GPR152: variants seen among roughly 807,000 people sequenced by gnomAD.
The protein encoded by GPR152 is G protein-coupled receptor 152, also known as probable G protein-coupled receptor 152.
For missense variants in GPR152, 549 were observed against 617.2 expected (o/e 0.89, Z 1.17); for synonymous variants, 278 against 289.0 (o/e 0.96, Z 0.39).
Position 67,452,280 on chromosome 11 carries a change from G to C in GPR152, c.445C>G (p.Leu149Val). The C allele has an allele frequency of 6.2e-7, 1 of 1,609,628 alleles. No homozygotes were observed. Among genetic ancestry groups the C allele is most frequent in the Non-Finnish European group, 8.5e-7 (1 of 1,179,828 alleles). ...ACCCAGACACCGGCGCAGACCCAGA[G>C]GGGCAGGCGGACTGGGCGGTGCCCA... ...YPGHRPVRLP[L>V]WVCAGVWVLA... The change falls in exon 1 of 1, where the codon CTC (leucine) becomes GTC (valine). Residue 149 changes from leucine (L) to valine (V), a missense_variant. By Grantham distance (32) the Leu-to-Val change is conservative (BLOSUM62 1). Coordinates refer to ENST00000312457, the MANE Select transcript of GPR152 (RefSeq NM_206997.1).
chr11:67,452,318 G>C lies in GPR152; in HGVS notation c.407C>G (p.Pro136Arg), dbSNP rs776578974. Residue 136 changes from proline (P) to arginine (R), a missense_variant, in exon 1 of 1, where the codon CCA (proline) becomes CGA (arginine). Pro to Arg is a moderately radical substitution (Grantham distance 103, BLOSUM62 -2). Transcript: ENST00000312457. ...SLDRCLLALCPHWYPGHRPVR... is the reference protein window; with the variant it reads ...SLDRCLLALCRHWYPGHRPVR... ...TGGGCGGTGCCCAGGGTACCAGTGT[G>C]GGCACAGCGCCAGCAGGCAGCGGTC... The C allele has an allele frequency of 6.2e-7, 1 of 1,610,672 alleles. No homozygotes were observed. Among genetic ancestry groups the C allele is most frequent in the South Asian group, 1.1e-5 (1 of 91,032 alleles).
Position 67,451,875 on chromosome 11 carries a change from T to C in GPR152, c.850A>G (p.Ile284Val), listed in dbSNP as rs760245398. ...WEALVYSDYL[I>V]LLNSCLSPFL... ...GGGCTGAGGCAGCTGTTGAGTAGGA[T>C]CAGGTAGTCGGAGTAGACCAGGGCC... Residue 284 changes from isoleucine to valine, a missense_variant, in exon 1 of 1, where the codon ATC (isoleucine) becomes GTC (valine). Transcript: ENST00000312457. The C allele has an allele frequency of 1.2e-6, 2 of 1,612,502 alleles. No individual in the cohort carries two copies. The highest frequency in any genetic ancestry group is 1.7e-6 in the Non-Finnish European group (2 of 1,179,954).
chr11:67,452,629 G>A lies in GPR152; in HGVS notation c.96C>T (p.Asp32=). ...DEDSYPQGGW[D]TVFLVALLLL... is the part of the protein sequence containing the mutation. ...GCAGCAGGGCCACCAGGAAGACCGT[G>A]TCCCAGCCACCTTGGGGGTAGGAGT... Residue 32 remains aspartate, a synonymous_variant, in exon 1 of 1, where the codon GAC becomes GAT. Coordinates refer to ENST00000312457, the MANE Select transcript of GPR152 (RefSeq NM_206997.1). 1 of 1,613,704 alleles carries A rather than the reference G, an allele frequency of 6.2e-7. No homozygotes were observed. The highest frequency in any genetic ancestry group is 8.5e-7 in the Non-Finnish European group (1 of 1,179,846).
In GPR152 at chr11:67,451,401, G is replaced by A; in HGVS notation, c.1324C>T (p.Leu442Phe). ...GCAGGAGGTGTGGCTGGGTCCTCAA[G>A]GGCCCCTGGGGTAGGATGCGAGGAT... ...TPSSHPTPGA[L>F]EDPATPPASE... Residue 442 changes from leucine (L) to phenylalanine (F), a missense_variant, in exon 1 of 1, where the codon CTT becomes TTT. Physicochemically the swap from Leu to Phe is conservative, Grantham distance 22. Transcript: ENST00000312457. 6.2e-7 allele frequency: 1 copy of A among 1,613,082 alleles called. No individual in the cohort carries two copies. The highest frequency in any genetic ancestry group is 1.7e-5 in the Admixed American group (1 of 60,022).
rs1233437630 is a variant in GPR152, at chr11:67,451,881, A to G, written c.844T>C (p.Tyr282His). 8 of 1,612,578 alleles carry G rather than the reference A, an allele frequency of 5.0e-6. No homozygotes were observed. The highest frequency in any genetic ancestry group is 6.8e-6 in the Non-Finnish European group (8 of 1,179,996). The change falls in exon 1 of 1, where the codon TAC becomes CAC. Residue 282 changes from tyrosine to histidine, a missense_variant. By Grantham distance (83) the Tyr-to-His change is moderately conservative. Transcript: ENST00000312457. ...AGGCAGCTGTTGAGTAGGATCAGGT[A>G]GTCGGAGTAGACCAGGGCCTCCCAG... The part of the protein sequence containing the change: ...LLWEALVYSD[Y>H]LILLNSCLSP...
Position 67,452,561 on chromosome 11 carries a change from C to T in GPR152, c.164G>A (p.Gly55Asp), listed in dbSNP as rs1183537840. The T allele has an allele frequency of 1.2e-6, 2 of 1,607,714 alleles. No homozygotes were observed. Among genetic ancestry groups the T allele is most frequent in the South Asian group, 2.2e-5 (2 of 90,382 alleles). Residue 55 changes from glycine (G) to aspartate (D), a missense_variant, in exon 1 of 1, where the codon GGC becomes GAC. Physicochemically the swap from Gly to Asp is moderately conservative, Grantham distance 94. Transcript: ENST00000312457. The stretch of plus-strand genomic sequence containing the variant: ...GCCAGCTCCATGCCGGGCCTGGGAG[C>T]CGGCCAGCCACGCCATCAACCCATT... Reference protein sequence around the residue: ...PANGLMAWLAGSQARHGAGTR... With the variant: ...PANGLMAWLADSQARHGAGTR...
rs146120927 is a variant in GPR152 at position 67,451,409 on chromosome 11, G to A, written c.1316C>T (p.Pro439Leu). Residue 439 changes from proline (P) to leucine (L), a missense_variant, in exon 1 of 1, where the codon CCA becomes CTA. Physicochemically the swap from Pro to Leu is moderately conservative, Grantham distance 98 (BLOSUM62 -3). Transcript: ENST00000312457. ...ASPTPSSHPT[P>L]GALEDPATPP... is the part of the protein sequence containing the mutation. ...TGTGGCTGGGTCCTCAAGGGCCCCT[G>A]GGGTAGGATGCGAGGATGGGGTTGG... The A allele has an allele frequency of 2.5e-5, 40 of 1,613,558 alleles. No homozygotes were observed. Among genetic ancestry groups the A allele is most frequent in the Non-Finnish European group, 3.3e-5 (39 of 1,179,830 alleles).
At position 67,451,790 on chromosome 11, in the gene GPR152, G is replaced by A. The variant is rs2135160072; in HGVS notation, c.935C>T (p.Ser312Phe). ...LRTLLRSVLS[S>F]FAAALCEERP... Reference sequence around the variant, plus strand: ...CTCCTCGCAGAGAGCTGCCGCGAAGGACGAGAGCACGGAGCGCAGCAGGGT... The same window carrying A: ...CTCCTCGCAGAGAGCTGCCGCGAAGAACGAGAGCACGGAGCGCAGCAGGGT... The change falls in exon 1 of 1, where the codon TCC (serine) becomes TTC (phenylalanine). Residue 312 changes from serine to phenylalanine, a missense_variant. By Grantham distance (155) the Ser-to-Phe change is radical (BLOSUM62 -2). Coordinates refer to ENST00000312457, the MANE Select transcript of GPR152 (RefSeq NM_206997.1). 6.2e-7 allele frequency: 1 copy of A among 1,613,346 alleles called. No individual in the cohort carries two copies. The highest frequency in any genetic ancestry group is 1.3e-5 in the African/African-American group (1 of 75,068).
At position 67,452,097 on chromosome 11, in the gene GPR152, C is replaced by T. The variant is rs540353236; in HGVS notation, c.628G>A (p.Val210Ile). ...GTGGCCTGGGTGAGCACGTGGCAGA[C>T]GAGCAGCAGGAGGAAAGGCAGGAAG... ...GGFLPFLLLL[V>I]CHVLTQATAC... Residue 210 changes from valine (V) to isoleucine (I), a missense_variant, in exon 1 of 1, where the codon GTC becomes ATC. Coordinates refer to ENST00000312457, the MANE Select transcript of GPR152 (RefSeq NM_206997.1). 27 of 1,611,984 alleles carry T rather than the reference C, an allele frequency of 1.7e-5. No individual in the cohort carries two copies. The highest frequency in any genetic ancestry group is 6.7e-5 in the East Asian group (3 of 44,868).
In GPR152 at chr11:67,452,169, A is replaced by C. The variant is rs945603442; in HGVS notation, c.556T>G (p.Trp186Gly). 2.5e-6 allele frequency: 4 copies of C among 1,609,668 alleles called. No homozygotes were observed. The highest frequency in any genetic ancestry group is 2.5e-6 in the Non-Finnish European group (3 of 1,179,946). The change falls in exon 1 of 1, where the codon TGG becomes GGG. Residue 186 changes from tryptophan to glycine, a missense_variant. Physicochemically the swap from Trp to Gly is radical, Grantham distance 184 (BLOSUM62 -2). Coordinates refer to ENST00000312457, the MANE Select transcript of GPR152 (RefSeq NM_206997.1). Reference protein sequence around the residue: ...WYDLVICLDFWDSEELSLRML... With the variant: ...WYDLVICLDFGDSEELSLRML... The stretch of plus-strand genomic sequence containing the variant: ...CTCAGCGACAGCTCCTCGCTGTCCC[A>C]GAAGTCCAGGCAGATGACCAGGTCG...
In GPR152 at chr11:67,451,795, G is replaced by A; in HGVS notation, c.930C>T (p.Leu310=). 1.9e-6 allele frequency: 3 copies of A among 1,613,314 alleles called. No individual in the cohort carries two copies. The highest frequency in any genetic ancestry group is 2.5e-6 in the Non-Finnish European group (3 of 1,180,014). ...ADLRTLLRSV[L]SSFAAALCEE... is the part of the protein sequence containing the mutation. ...CGCAGAGAGCTGCCGCGAAGGACGA[G>A]AGCACGGAGCGCAGCAGGGTCCGGA... The change falls in exon 1 of 1, where the codon CTC becomes CTT. Residue 310 remains leucine, a synonymous_variant. Coordinates refer to ENST00000312457, the MANE Select transcript of GPR152 (RefSeq NM_206997.1).
chr11:67,451,482 G>C lies in GPR152; in HGVS notation c.1243C>G (p.Pro415Ala), dbSNP rs765229792. ...GGCACAGAACTGGCAGCAGGTGCAG[G>C]GGTCTGGACGTTAGTGTCTGCCTGT... ...QPQADTNVQTPAPAASSVPSP... is the reference protein window; with the variant it reads ...QPQADTNVQTAAPAASSVPSP... The change falls in exon 1 of 1, where the codon CCT becomes GCT. Residue 415 changes from proline to alanine, a missense_variant. Pro to Ala is a conservative substitution (Grantham distance 27). Coordinates refer to ENST00000312457, the MANE Select transcript of GPR152 (RefSeq NM_206997.1). 6.2e-7 allele frequency: 1 copy of C among 1,614,190 alleles called. No homozygotes were observed. Among genetic ancestry groups the C allele is most frequent in the Non-Finnish European group, 8.5e-7 (1 of 1,180,036 alleles).
Position 67,451,867 on chromosome 11 carries a change from G to T in GPR152, c.858C>A (p.Leu286=). Residue 286 remains leucine (L), a synonymous_variant, in exon 1 of 1, where the codon CTC becomes CTA. Transcript: ENST00000312457. ...AGAGGAAGGGGCTGAGGCAGCTGTT[G>T]AGTAGGATCAGGTAGTCGGAGTAGA... ...ALVYSDYLIL[L]NSCLSPFLCL... 1 of 1,612,962 alleles carries T rather than the reference G, an allele frequency of 6.2e-7. No individual in the cohort carries two copies.
rs753147953 is a variant in GPR152, at chr11:67,451,746, G to C, written c.979C>G (p.Pro327Ala). Residue 327 changes from proline to alanine, a missense_variant, in exon 1 of 1, where the codon CCC (proline) becomes GCC (alanine). By Grantham distance (27) the Pro-to-Ala change is conservative (BLOSUM62 -1). Coordinates refer to ENST00000312457, the MANE Select transcript of GPR152 (RefSeq NM_206997.1). ...LCEERPGSFT[P>A]TEPQTQLDSE... Reference sequence around the variant, plus strand: ...TCTAGCTGGGTCTGTGGCTCAGTGGGCGTGAAGCTGCCCGGCCGCTCCTCG... The same window carrying C: ...TCTAGCTGGGTCTGTGGCTCAGTGGCCGTGAAGCTGCCCGGCCGCTCCTCG... 8 of 1,613,472 alleles carry C rather than the reference G, an allele frequency of 5.0e-6. No homozygotes were observed. Among genetic ancestry groups the C allele is most frequent in the Non-Finnish European group, 6.8e-6 (8 of 1,180,034 alleles).
Position 67,452,711 on chromosome 11 carries a change from A to T in GPR152, c.14T>A (p.Met5Lys). MDTT[M>K]EADLGATGHR... ...GCCAGTGGCACCCAGGTCAGCTTCCATGGTAGTGTCCATTTGGGGTCCCCA... is the reference window on the plus strand; with the variant it reads ...GCCAGTGGCACCCAGGTCAGCTTCCTTGGTAGTGTCCATTTGGGGTCCCCA... The change falls in exon 1 of 1, where the codon ATG becomes AAG. Residue 5 changes from methionine to lysine, a missense_variant. Coordinates refer to ENST00000312457, the MANE Select transcript of GPR152 (RefSeq NM_206997.1). 1.3e-6 allele frequency: 2 copies of T among 1,571,740 alleles called. No homozygotes were observed. The highest frequency in any genetic ancestry group is 1.7e-6 in the Non-Finnish European group (2 of 1,155,980).
rs1361411140 is a variant in GPR152, at chr11:67,451,571, T to G, written c.1154A>C (p.Asp385Ala). The change falls in exon 1 of 1, where the codon GAT becomes GCT. Residue 385 changes from aspartate to alanine, a missense_variant. By Grantham distance (126) the Asp-to-Ala change is moderately radical (BLOSUM62 -2). Coordinates refer to ENST00000312457, the MANE Select transcript of GPR152 (RefSeq NM_206997.1). ...QLNPTAQPQS[D>A]PTAQPQLNLM... ...GTTCAGCTGTGGCTGGGCTGTGGGA[T>G]CCGACTGTGGCTGGGCCGTAGGGTT... 1 of 1,613,958 alleles carries G rather than the reference T, an allele frequency of 6.2e-7. No individual in the cohort carries two copies. The highest frequency in any genetic ancestry group is 8.5e-7 in the Non-Finnish European group (1 of 1,179,950).
rs1188541312 is a variant in GPR152 at position 67,451,971 on chromosome 11, G to A, written c.754C>T (p.Pro252Ser). The A allele has an allele frequency of 6.2e-7, 1 of 1,610,718 alleles. No homozygotes were observed. Among genetic ancestry groups the A allele is most frequent in the Non-Finnish European group, 8.5e-7 (1 of 1,179,994 alleles). ...ILSAYVVLRL[P>S]YQLAQLLYLA... is the part of the protein sequence containing the mutation. ...TAGAGCAGCTGGGCCAGCTGGTAGG[G>A]CAGCCTCAGGACCACATAGGCTGAC... Residue 252 changes from proline (P) to serine (S), a missense_variant, in exon 1 of 1, where the codon CCC (proline) becomes TCC (serine). Transcript: ENST00000312457.
chr11:67,451,716 C>T lies in GPR152; in HGVS notation c.1009G>A (p.Glu337Lys). ...PTEPQTQLDS[E>K]GPTLPEPMAE... ...ATCGGCTCTGGCAGAGTTGGACCCTCAGAATCTAGCTGGGTCTGTGGCTCA... is the reference window on the plus strand; with the variant it reads ...ATCGGCTCTGGCAGAGTTGGACCCTTAGAATCTAGCTGGGTCTGTGGCTCA... Residue 337 changes from glutamate (E) to lysine (K), a missense_variant, in exon 1 of 1, where the codon GAG becomes AAG. Transcript: ENST00000312457. 1.2e-6 allele frequency: 2 copies of T among 1,613,804 alleles called. No homozygotes were observed. Among genetic ancestry groups the T allele is most frequent in the South Asian group, 1.1e-5 (1 of 91,090 alleles).
At position 67,451,654 on chromosome 11, in the gene GPR152, C is replaced by T. The variant is rs1162024543; in HGVS notation, c.1071G>A (p.Gln357=). ...EAQSQMDPVA[Q]PQVNPTLQPR... The stretch of plus-strand genomic sequence containing the variant: ...GCTGGAGTGTGGGGTTCACCTGAGG[C>T]TGGGCCACAGGATCCATCTGTGACT... Residue 357 remains glutamine (Q), a synonymous_variant, in exon 1 of 1, where the codon CAG becomes CAA. Transcript: ENST00000312457. 1 of 1,613,842 alleles carries T rather than the reference C, an allele frequency of 6.2e-7. No individual in the cohort carries two copies. The highest frequency in any genetic ancestry group is 1.7e-5 in the Admixed American group (1 of 60,012).
Sources: allele counts gnomAD v4.1 joint callset, GRCh38; gene constraint gnomAD v4.1.1; transcripts MANE v1.5; gene names NCBI Gene and HGNC (gene_info 2026-07-23, HGNC 2026-07-21).